The following TRPM1 variants were observed in gnomAD, a reference collection of about 807,000 sequenced individuals.
The protein encoded by TRPM1 is transient receptor potential cation channel subfamily M member 1, also known as TRPM1-203 APA Isoform, Intron 10.
In TRPM1, 113 loss-of-function variants were observed where a neutral mutation model predicts 149.4. The ratio of observed to expected loss-of-function variants is 0.76; its 90% confidence interval spans 0.65 to 0.88. The LOEUF is 0.88. TRPM1 is among the 40% of genes least tolerant of loss of function. The probability of loss-of-function intolerance (pLI) is 0.00; values close to 1 mark genes in which losing one functional copy is unlikely to be tolerated. For synonymous variants in TRPM1, 741 were observed against 759.5 expected (o/e 0.98, Z 0.40); for missense variants, 1,976 against 2,038.7 (o/e 0.97, Z 0.59).
At chr15:31,050,625 T>C in intron 11 of TRPM1, 43 bp from the exon 12 acceptor site, 1 of 1,610,152 alleles carries the variant, frequency 6.2e-7, no homozygotes. Context: ...GTACTAAGGC[T>C]CTTTCTTGTC....
At chr15:31,035,489 A>G in intron 21 of TRPM1, 57 bp downstream of exon 21, 5 of 1,612,542 alleles carry the variant, frequency 3.1e-6, no homozygotes, top group South Asian at 2.2e-5. Flanking sequence ...GTAAGGAGCC[A>G]TATCTGCATT....
chr15:31,078,955 C>T (rs1174428778), intron 2 of TRPM1, among the ~76,000 whole-genome samples: 1 of 152,162 alleles, frequency 6.6e-6, no homozygotes, highest in East Asian at 1.9e-4. Context: ...TCCTCTAGGA[C>T]TGAACAAATA....
In TRPM1 at chr15:31,028,570, T is replaced by C; in HGVS notation, c.3149-94A>G. ...TGTTTTTCAATACCTATTTCTTTTT[T>C]AATATGATTCTTTCTTATTTCATAA... is the stretch of plus-strand genomic sequence containing the variant. On this transcript the variant is annotated intron_variant, in intron 24 of 27. Transcript: ENST00000256552. 4 of 1,396,040 alleles carry C rather than the reference T, an allele frequency of 2.9e-6. No homozygotes were observed. In the South Asian group the frequency reaches 4.9e-5, roughly 17 times the overall value. The allele number at this position is 1,396,040 out of a possible 1,614,324, so 86.5% of individuals were successfully genotyped here.
At chr15:31,067,438 A>T (rs992592913) in intron 5 of TRPM1, among the ~76,000 whole-genome samples, 11 of 152,188 alleles carry the variant, frequency 7.2e-5, no homozygotes, top group Non-Finnish European at 1.6e-4. Context: ...TCCTTTACAG[A>T]TGTCTAAGGC....
intron 1 of TRPM1, among the ~76,000 whole-genome samples, chr15:31,144,828 G>A (rs2036204889): frequency 6.7e-6 from 1 of 150,026 alleles, no homozygotes; most frequent in Non-Finnish European, 1.5e-5. Context: ...CAATTCTCCT[G>A]CCTCAGCCTC....
At chr15:31,032,320 A>G (rs1290137038) in intron 22 of TRPM1, among the ~76,000 whole-genome samples, 1 of 152,140 alleles carries the variant, frequency 6.6e-6, no homozygotes, top group Non-Finnish European at 1.5e-5. Context: ...TAGTCACCCT[A>G]CAGTTGAGAT....
chr15:31,042,405 G>T (rs1421566501), intron 16 of TRPM1, 162 bp from the exon 17 acceptor site: 5 of 740,326 alleles, frequency 6.8e-6, no homozygotes, highest in Non-Finnish European at 8.8e-6. Flanking sequence ...TTGAAAAGAT[G>T]CACACGTTTA....
intron 16 of TRPM1, among the ~76,000 whole-genome samples, chr15:31,042,474 C>T (rs943911247): frequency 1.3e-5 from 2 of 152,210 alleles, no homozygotes; most frequent in Non-Finnish European, 2.9e-5. Flanking sequence ...GTTTGGATAA[C>T]TTGCACCCCT....
At chr15:31,016,419 G>C (rs1250124122) in intron 27 of TRPM1, among the ~76,000 whole-genome samples, 2 of 152,104 alleles carry the variant, frequency 1.3e-5, no homozygotes, top group African/African-American at 4.8e-5. Flanking sequence ...TCTAATTGAA[G>C]TTTGTGGCTT....
rs2140937462 is a variant in TRPM1 at position 31,047,911 on chromosome 15, A to G, written c.1601T>C (p.Leu534Pro). Residue 534 changes from leucine (L) to proline (P), a missense_variant, in exon 14 of 28, where the codon CTG becomes CCG. Physicochemically the swap from Leu to Pro is moderately conservative, Grantham distance 98. Coordinates refer to ENST00000256552, the MANE Select transcript of TRPM1 (RefSeq NM_001252024.2). ...GACCTTTTTCACATCCCTCACCAGC[A>G]GATGAAGTGTGTTTGGTGGACCCAG... is the stretch of plus-strand genomic sequence containing the variant. Reference protein sequence around the residue: ...TRLGPPNTLHLLVRDVKKSNL... With the variant: ...TRLGPPNTLHPLVRDVKKSNL... The G allele has an allele frequency of 6.2e-7, 1 of 1,613,982 alleles. No homozygotes were observed. Among genetic ancestry groups the G allele is most frequent in the East Asian group, 2.2e-5 (1 of 44,890 alleles).
At chr15:31,113,015 T>A (rs1567061906) in intron 1 of TRPM1, among the ~76,000 whole-genome samples, 1 of 152,208 alleles carries the variant, frequency 6.6e-6, no homozygotes, top group South Asian at 2.1e-4. Flanking sequence ...CCGGTAAGTG[T>A]TCCGTGTTGG....
intron 1 of TRPM1, among the ~76,000 whole-genome samples, chr15:31,121,181 T>C (rs1249454750): frequency 1.6e-5 from 2 of 128,596 alleles, no homozygotes; most frequent in Non-Finnish European, 3.1e-5. Flanking sequence ...AACCAAGATG[T>C]GCCACTACAC....
intron 1 of TRPM1, among the ~76,000 whole-genome samples, chr15:31,083,081 G>A (rs751821063): frequency 6.6e-6 from 1 of 152,184 alleles, no homozygotes; most frequent in African/African-American, 2.4e-5. Flanking sequence ...ACTTTGGTCT[G>A]GGAGGACATG....
At chr15:31,110,424 CACTG>C (rs1309672064) in intron 1 of TRPM1, among the ~76,000 whole-genome samples, 1 of 152,178 alleles carries the variant, frequency 6.6e-6, no homozygotes, top group Non-Finnish European at 1.5e-5. Context: ...TCCATTTCTC[CACTG>C]ACTGACGAAA....
intron 1 of TRPM1, among the ~76,000 whole-genome samples, chr15:31,129,294 G>T (rs2035988919): frequency 6.6e-6 from 1 of 152,248 alleles, no homozygotes; most frequent in Non-Finnish European, 1.5e-5. Flanking sequence ...CACAGCAACA[G>T]TGCTGACTTG....
Position 31,001,861 on chromosome 15 carries a change from C to CT in TRPM1, c.4838dup (p.Val1614GlyfsTer2), listed in dbSNP as rs748716036. ...CTGTGGAAGCTTTCTCTTTCTTAAC[C>CT]TTTTTTTCTTCTGCTGTCATTCCAG... On this transcript the variant is annotated frameshift_variant, in exon 28 of 28. Transcript: ENST00000256552. LOFTEE classifies it high-confidence loss of function. 6.8e-6 allele frequency: 11 copies of CT among 1,613,300 alleles called. No individual in the cohort carries two copies. The highest frequency in any genetic ancestry group is 8.5e-6 in the Non-Finnish European group (10 of 1,180,000).
intron 1 of TRPM1, among the ~76,000 whole-genome samples, chr15:31,159,685 T>G (rs1467975437): frequency 6.6e-5 from 10 of 152,200 alleles, no homozygotes; most frequent in Admixed American, 4.6e-4. Context: ...ATTTTTTCTA[T>G]TTGCATTTTC....
intron 1 of TRPM1, among the ~76,000 whole-genome samples, chr15:31,115,036 C>T (rs1596081838): frequency 6.6e-6 from 1 of 152,230 alleles, no homozygotes. Flanking sequence ...AGGCGGATCA[C>T]CTGAGGTTAG....
chr15:31,038,460 C>A (rs2140925018), intron 18 of TRPM1, among the ~76,000 whole-genome samples: 1 of 152,324 alleles, frequency 6.6e-6, no homozygotes, highest in South Asian at 2.1e-4. Flanking sequence ...ACCTGTAATC[C>A]CAGCACTTTT....
Sources: allele counts gnomAD v4.1 joint callset (sites outside exome capture counted in the v4.1 genomes callset), GRCh38; gene constraint gnomAD v4.1.1; transcripts MANE v1.5; gene names NCBI Gene and HGNC (gene_info 2026-07-23, HGNC 2026-07-21).